The following TET3 variants were observed in gnomAD, a reference collection of about 807,000 sequenced individuals.
TET3 encodes the protein tet methylcytosine dioxygenase 3, also known as methylcytosine dioxygenase TET3.
A neutral mutation model predicts 141.4 loss-of-function variants in TET3; 19 were observed. The observed-to-expected ratio is 0.13, with a 90% CI of 0.09 to 0.20. The LOEUF (loss-of-function observed/expected upper bound fraction) is 0.20. Ranked by LOEUF, TET3 falls within the 10% of genes least tolerant of loss-of-function variation. The probability of loss-of-function intolerance (pLI) is 1.00; values close to 1 mark genes in which losing one functional copy is unlikely to be tolerated. For synonymous variants in TET3, 1,043 were observed against 980.9 expected, an observed-to-expected ratio of 1.06 and a Z score of -1.18; for missense variants, 1,874 against 2,356.9, an observed-to-expected ratio of 0.80 and a Z score of 4.24.
chr2:74,130,188 A>G, the TET3 span, among the ~76,000 whole-genome samples: 7 of 152,162 alleles, frequency 4.6e-5, no homozygotes, highest in Non-Finnish European at 8.8e-5. Flanking sequence ...TCTTATTGCA[A>G]AAGAAAAGAA....
chr2:74,015,116 A>G (rs1229885711), intron 3 of TET3, among the ~76,000 whole-genome samples: 2 of 152,202 alleles, frequency 1.3e-5, no homozygotes, highest in Non-Finnish European at 2.9e-5. Flanking sequence ...GACTTGGCCC[A>G]AGGGTCGCAC....
Position 74,052,487 on chromosome 2 carries a change from A to G in TET3, c.2494+4076A>G, listed in dbSNP as rs751493982. On this transcript the variant is annotated intron_variant, in intron 4 of 11. Coordinates refer to ENST00000409262, the MANE Select transcript of TET3 (RefSeq NM_001287491.2). ...AGTGGGGGTGAAATATGGAGACTCC[A>G]TGAAGCCATCTAAGAGCTGATAACA... is the stretch of plus-strand genomic sequence containing the variant. 7.3e-5 allele frequency among the ~76,000 whole-genome samples: 11 copies of G among 151,368 alleles called. No homozygotes were observed. In the South Asian group the frequency reaches 1.3e-3, roughly 17 times the overall value.
chr2:74,078,205 A>T (rs943961215), intron 5 of TET3, among the ~76,000 whole-genome samples: 2 of 150,624 alleles, frequency 1.3e-5, no homozygotes, highest in African/African-American at 2.5e-5. Context: ...TTCGTTAATT[A>T]AAAAAAAATT....
Position 74,086,112 on chromosome 2 carries a change from C to A in TET3, c.2680-1718C>A, listed in dbSNP as rs75622008. Among the ~76,000 whole-genome samples the A allele has an allele frequency of 3.1e-3, 469 of 152,348 alleles. 1 individual carries two copies. Among genetic ancestry groups the A allele is most frequent in the African/African-American group, 0.01 (430 of 41,592 alleles). On this transcript the variant is annotated intron_variant, in intron 6 of 11. Coordinates refer to ENST00000409262, the MANE Select transcript of TET3 (RefSeq NM_001287491.2). ...CTCACCATCCTGCGTGGAGTTCCCG[C>A]CTCAAGGCCCTGCCCCTGGGCCTGA...
Position 74,087,203 on chromosome 2 carries a change from C to T in TET3, c.2680-627C>T, listed in dbSNP as rs1041369515. Among the ~76,000 whole-genome samples the T allele has an allele frequency of 6.6e-6, 1 of 152,216 alleles. No individual in the cohort carries two copies. The highest frequency in any genetic ancestry group is 1.5e-5 in the Non-Finnish European group (1 of 68,044). On this transcript the variant is annotated intron_variant, in intron 6 of 11. Coordinates refer to ENST00000409262, the MANE Select transcript of TET3 (RefSeq NM_001287491.2). This position sits in a 1 kb window ranked among gnomAD's most constrained non-coding sequence, Gnocchi z 4.3. ...GGTTGTCTGTCTATACCACGTCGTA[C>T]TTACCTGTTCATCAACCGATGGACC...
chr2:74,015,760 A>G (rs915613552), intron 3 of TET3, among the ~76,000 whole-genome samples: 3 of 152,206 alleles, frequency 2.0e-5, no homozygotes, highest in African/African-American at 4.8e-5. Context: ...ATTTTAATTG[A>G]CATTACCAAG....
chr2:74,123,530 G>A, the TET3 span, among the ~76,000 whole-genome samples: 2,191 of 152,322 alleles, frequency 0.014, 62 homozygotes, highest in African/African-American at 0.049. Context: ...GGGGCGTGCA[G>A]GAGGGATTCG....
intron 5 of TET3, among the ~76,000 whole-genome samples, chr2:74,079,355 G>GA (rs973126098): frequency 1.1e-4 from 17 of 150,226 alleles, no homozygotes; most frequent in Admixed American, 4.6e-4. Flanking sequence ...CAAAAAGAAA[G>GA]AAAAAAAAAG....
rs754115542 is a variant in TET3, at chr2:74,046,636, G to A, written c.719G>A (p.Arg240Gln). The A allele has an allele frequency of 9.9e-6, 16 of 1,613,924 alleles. No homozygotes were observed. The highest frequency in any genetic ancestry group is 8.8e-5 in the South Asian group (8 of 91,090). Residue 240 changes from arginine (R) to glutamine (Q), a missense_variant, in exon 4 of 12, where the codon CGG (arginine) becomes CAG (glutamine). Physicochemically the swap from Arg to Gln is conservative, Grantham distance 43 (BLOSUM62 1). This residue lies in a region of TET3 where 366 missense variants were observed against 487.0 expected (regional missense o/e 0.75). Transcript: ENST00000409262. This position sits in a 1 kb window ranked among gnomAD's most constrained non-coding sequence, Gnocchi z 4.3. Reference protein sequence around the residue: ...REAGNNSRGPRPGPEGCSAGS... With the variant: ...REAGNNSRGPQPGPEGCSAGS... Reference sequence around the variant, plus strand: ...GCTGGGAACAACAGCAGGGGACCCCGGCCAGGGCCTGAGGGCTGCTCTGCT... The same window carrying A: ...GCTGGGAACAACAGCAGGGGACCCCAGCCAGGGCCTGAGGGCTGCTCTGCT...
chr2:74,001,447 C>A (rs1307084734), intron 2 of TET3, among the ~76,000 whole-genome samples: 1 of 152,156 alleles, frequency 6.6e-6, no homozygotes, highest in Non-Finnish European at 1.5e-5. Context: ...TGCAGTGAAT[C>A]CTCACAACTG....
intron 3 of TET3, 97 bp downstream of exon 3, chr2:74,003,263 C>A: frequency 6.8e-7 from 1 of 1,470,368 alleles, no homozygotes; most frequent in Non-Finnish European, 9.2e-7. Context: ...CTCTGGTGAT[C>A]CCTTAATCTC....
In TET3 at chr2:74,101,852, C is replaced by T. The variant is rs374403607; in HGVS notation, c.5064C>T (p.Arg1688=). ...LKKPNRCHPT[R]ISLVFYQHKN... ...AGCCCAACCGCTGCCACCCCACCCGCATCTCGCTGGTCTTCTACCAGCACA... is the reference window on the plus strand; with the variant it reads ...AGCCCAACCGCTGCCACCCCACCCGTATCTCGCTGGTCTTCTACCAGCACA... Residue 1688 remains arginine (R), a synonymous_variant, in exon 12 of 12, where the codon CGC becomes CGT. Coordinates refer to ENST00000409262, the MANE Select transcript of TET3 (RefSeq NM_001287491.2). The surrounding 1 kb of genome is among the most constrained non-coding windows in gnomAD (Gnocchi z 8.5). 4 of 1,613,050 alleles carry T rather than the reference C, an allele frequency of 2.5e-6. No individual in the cohort carries two copies. Among genetic ancestry groups the T allele is most frequent in the African/African-American group, 2.7e-5 (2 of 74,920 alleles).
At chr2:74,061,829 C>T (rs1427442427) in intron 4 of TET3, among the ~76,000 whole-genome samples, 19 of 120,886 alleles carry the variant, frequency 1.6e-4, no homozygotes, top group African/African-American at 6.7e-4. Context: ...GATGGGCGGC[C>T]GGGCAGAGAC....
chr2:73,998,756 C>T (rs114295531), intron 2 of TET3, among the ~76,000 whole-genome samples: 285 of 152,030 alleles, frequency 1.9e-3, no homozygotes, highest in Non-Finnish European at 2.1e-3. Flanking sequence ...GCGTGGACAC[C>T]GGGGACTTCA....
intron 2 of TET3, among the ~76,000 whole-genome samples, chr2:73,994,433 A>C (rs912122948): frequency 2.0e-5 from 3 of 152,156 alleles, no homozygotes; most frequent in African/African-American, 7.2e-5. Context: ...ATTTATGACT[A>C]TTCCAGTACT....
downstream of TET3, among the ~76,000 whole-genome samples, chr2:74,108,805 G>GTCTT (rs1382954372): frequency 6.6e-6 from 1 of 152,188 alleles, no homozygotes; most frequent in Non-Finnish European, 1.5e-5. Flanking sequence ...TTGATCCAGT[G>GTCTT]TCTTTGAGGG....
At chr2:74,124,329 C>G in the TET3 span, among the ~76,000 whole-genome samples, 1 of 151,042 alleles carries the variant, frequency 6.6e-6, no homozygotes, top group Non-Finnish European at 1.5e-5. Flanking sequence ...AGCCCCTGCC[C>G]GGCCAGCCGC....
At position 74,093,471 on chromosome 2, in the gene TET3, A is replaced by G. The variant is rs1306702187; in HGVS notation, c.3130-58A>G. On this transcript the variant is annotated intron_variant, in intron 9 of 11. Coordinates refer to ENST00000409262, the MANE Select transcript of TET3 (RefSeq NM_001287491.2). The surrounding 1 kb of genome is among the most constrained non-coding windows in gnomAD (Gnocchi z 4.2). ...TCCAAGACCTGGCCTCCCCAGGTGC[A>G]GAATCGGGGCCACTCACCTCAGGTC... is the stretch of plus-strand genomic sequence containing the variant. 2.0e-6 allele frequency: 3 copies of G among 1,502,502 alleles called. No homozygotes were observed. The African/African-American group carries it at 4.2e-5, about 21-fold the overall frequency. The allele number at this position is 1,502,502 out of a possible 1,614,324, so 93.1% of individuals were successfully genotyped here.
rs1174532000 is a variant in TET3 at position 74,100,933 on chromosome 2, C to T, written c.4145C>T (p.Pro1382Leu). Residue 1382 changes from proline (P) to leucine (L), a missense_variant, in exon 12 of 12, where the codon CCC becomes CTC. By Grantham distance (98) the Pro-to-Leu change is moderately conservative. Around this residue, in one of 10 missense-constraint regions of TET3, gnomAD observed 602 missense variants for 590.2 expected, o/e 1.02. Coordinates refer to ENST00000409262, the MANE Select transcript of TET3 (RefSeq NM_001287491.2). ...CTACTCCACTCAGTGTCCAGGGACC[C>T]CTCCCCCTTTGCCCAGAGCTCCAAC... ...APLLHSVSRD[P>L]SPFAQSSNCY... 3 of 1,611,038 alleles carry T rather than the reference C, an allele frequency of 1.9e-6. No individual in the cohort carries two copies. The highest frequency in any genetic ancestry group is 4.5e-5 in the East Asian group (2 of 44,724).
Sources: gnomAD v4.1 joint callset for allele counts (sites outside exome capture counted in the v4.1 genomes callset) on GRCh38, gnomAD v4.1.1 for gene constraint, gnomAD v4.1.1 regional missense constraint, Gnocchi (gnomAD v3.1) non-coding constraint, MANE v1.5 for transcripts, NCBI Gene and HGNC (gene_info 2026-07-23, HGNC 2026-07-21) for gene names.